Variants in STRADB observed in about 807,000 individuals in gnomAD.
The protein encoded by STRADB is STE20 related adaptor beta.
Under a neutral mutation model 52.1 loss-of-function variants are expected in STRADB, and 34 were observed. That is an observed-to-expected ratio of 0.65 (90% CI 0.50 to 0.87). The LOEUF is 0.87. STRADB is among the 40% of genes least tolerant of loss of function. STRADB has a pLI of 0.00. For missense variants in STRADB, 340 were observed against 483.9 expected (o/e 0.70, Z 2.79); for synonymous variants, 133 against 174.5 (o/e 0.76, Z 1.87).
At chr2:201,459,561 A>G (rs1952180581) in intron 3 of STRADB, among the ~76,000 whole-genome samples, 1 of 152,140 alleles carries the variant, frequency 6.6e-6, no homozygotes, top group African/African-American at 2.4e-5. Context: ...CCTGGGGTCT[A>G]TCCCCTACTT....
chr2:201,457,229 C>T (rs1052940183), intron 2 of STRADB: 3 of 152,094 alleles, frequency 2.0e-5, no homozygotes, highest in Non-Finnish European at 2.9e-5. Context: ...TATTAATGGT[C>T]GTTGTGAAAA....
chr2:201,475,527 G>A (rs1952458615), intron 6 of STRADB, 92 bp from the exon 7 acceptor site: 1 of 1,483,666 alleles, frequency 6.7e-7, no homozygotes, highest in Non-Finnish European at 9.4e-7. Context: ...TAACAGGTAT[G>A]TTTGTGTTTA....
At chr2:201,477,355 C>T (rs1181947752) in intron 7 of STRADB, among the ~76,000 whole-genome samples, 2 of 152,124 alleles carry the variant, frequency 1.3e-5, no homozygotes, top group African/African-American at 2.4e-5. Flanking sequence ...TGAGCCACCG[C>T]ACCCGGCTAT....
Position 201,459,195 on chromosome 2 carries a change from A to AC in STRADB, c.93+333dup, listed in dbSNP as rs1559462596. Among the ~76,000 whole-genome samples the AC allele has an allele frequency of 2.6e-5, 4 of 151,800 alleles. No individual in the cohort carries two copies. In the East Asian group the frequency reaches 7.7e-4, roughly 29 times the overall value. On this transcript the variant is annotated intron_variant, in intron 3 of 11. Coordinates refer to ENST00000194530, the MANE Select transcript of STRADB (RefSeq NM_018571.6). ...AAAGTGGCTCTTCCTAAGCAGTTTC[A>AC]CCTGTTCCTATGACTTCAGTTGCTC...
intron 2 of STRADB, among the ~76,000 whole-genome samples, chr2:201,455,249 A>G (rs1235322048): frequency 6.6e-6 from 1 of 152,176 alleles, no homozygotes; most frequent in Admixed American, 6.5e-5. Context: ...ACCGAAATAA[A>G]ATCATTTGGA....
chr2:201,472,309 GT>G (rs1247403120), intron 4 of STRADB, among the ~76,000 whole-genome samples: 2 of 152,194 alleles, frequency 1.3e-5, no homozygotes, highest in African/African-American at 4.8e-5. Flanking sequence ...GTATAGGAAT[GT>G]TTTTGGCAGC....
chr2:201,463,525 T>G (rs1329137780), intron 3 of STRADB, among the ~76,000 whole-genome samples: 1 of 152,154 alleles, frequency 6.6e-6, no homozygotes, highest in African/African-American at 2.4e-5. Context: ...GTTAAATGTC[T>G]TTTTTGGGTT....
At chr2:201,461,086 T>C (rs1576555008) in intron 3 of STRADB, among the ~76,000 whole-genome samples, 2 of 152,284 alleles carry the variant, frequency 1.3e-5, no homozygotes, top group East Asian at 3.9e-4. Flanking sequence ...GAGATGATAT[T>C]CCCTTGTAGT....
chr2:201,472,011 G>A (rs957408279), intron 4 of STRADB, among the ~76,000 whole-genome samples: 29 of 152,280 alleles, frequency 1.9e-4, no homozygotes, highest in Non-Finnish European at 3.1e-4. Context: ...GACAAAATTT[G>A]GTGACCATGG....
chr2:201,466,073 T>G (rs1249337326), intron 3 of STRADB, among the ~76,000 whole-genome samples: 1 of 152,238 alleles, frequency 6.6e-6, no homozygotes, highest in Non-Finnish European at 1.5e-5. Context: ...AGGTGCCTTC[T>G]TGTTTGGATA....
chr2:201,476,365 T>C (rs550952911), intron 7 of STRADB, among the ~76,000 whole-genome samples: 1 of 151,512 alleles, frequency 6.6e-6, no homozygotes, highest in African/African-American at 2.4e-5. Flanking sequence ...TTACTTTTTT[T>C]TTTTTTTTTT....
rs552663939 is a variant in STRADB, at chr2:201,457,879, C to T, written c.13-905C>T. Among the ~76,000 whole-genome samples the T allele has an allele frequency of 1.4e-4, 22 of 152,096 alleles. No homozygotes were observed. The South Asian group carries it at 2.7e-3, about 19-fold the overall frequency. On this transcript the variant is annotated intron_variant, in intron 2 of 11. Coordinates refer to ENST00000194530, the MANE Select transcript of STRADB (RefSeq NM_018571.6). ...TCTCTACTAAAAATACAAAAATTAG[C>T]GGGGCGTGGTGGCAGGTGCCTGTAA...
chr2:201,473,137 C>A, intron 5 of STRADB, 61 bp downstream of exon 5: 1 of 1,432,172 alleles, frequency 7.0e-7, no homozygotes, highest in African/African-American at 1.5e-5. Context: ...TCCACATCTG[C>A]AGATTCAACC....
chr2:201,477,537 T>A, intron 7 of STRADB, 82 bp from the exon 8 acceptor site: 1 of 1,372,606 alleles, frequency 7.3e-7, no homozygotes, highest in Admixed American at 1.9e-5. Context: ...CAAGAGAATA[T>A]ATGGATTTGT....
At chr2:201,463,074 A>ACTGTAATCCCAGCACTGTAAT (rs1952242044) in intron 3 of STRADB, among the ~76,000 whole-genome samples, 1 of 152,222 alleles carries the variant, frequency 6.6e-6, no homozygotes, top group Admixed American at 6.5e-5. Flanking sequence ...TTGGTGGCTC[A>ACTGTAATCCCAGCACTGTAAT]CACCTGTAAT....
intron 10 of STRADB, 32 bp from the exon 11 acceptor site, chr2:201,479,457 T>G (rs765276966): frequency 6.0e-4 from 3 of 5,032 alleles, no homozygotes; most frequent in Non-Finnish European, 9.8e-4. Flanking sequence ...AATATAAAGG[T>G]TTTTTTTTTA....
chr2:201,457,755 C>A (rs112617485), intron 2 of STRADB, among the ~76,000 whole-genome samples: 37 of 152,268 alleles, frequency 2.4e-4, no homozygotes, highest in African/African-American at 8.4e-4. Context: ...TGTGGTGGCT[C>A]ACGCCTATAA....
At chr2:201,469,638 C>T (rs1417401697) in intron 3 of STRADB, among the ~76,000 whole-genome samples, 2 of 152,206 alleles carry the variant, frequency 1.3e-5, no homozygotes, top group Non-Finnish European at 2.9e-5. Context: ...TCGCTTGGTA[C>T]ATTTGTCAGC....
chr2:201,477,064 T>TG (rs1251224028), intron 7 of STRADB, among the ~76,000 whole-genome samples: 1 of 105,204 alleles, frequency 9.5e-6, no homozygotes, highest in Non-Finnish European at 2.1e-5. Flanking sequence ...TTTTTTTTTT[T>TG]TTTTTTTTTT....
Sources: allele counts gnomAD v4.1 joint callset (sites outside exome capture counted in the v4.1 genomes callset), GRCh38; gene constraint gnomAD v4.1.1; transcripts MANE v1.5; gene names NCBI Gene and HGNC (gene_info 2026-07-23, HGNC 2026-07-21).